Variants in KCNMA1 observed in about 807,000 individuals in gnomAD.
KCNMA1 encodes the protein potassium calcium-activated channel subfamily M alpha 1, also known as Calcium-activated potassium channel subunit alpha-1.
Under a neutral mutation model 140.0 loss-of-function variants are expected in KCNMA1, and 29 were observed. The ratio of observed to expected loss-of-function variants is 0.21; its 90% confidence interval spans 0.15 to 0.28. KCNMA1 has a LOEUF of 0.28. Among genes scored for constraint, KCNMA1 ranks in the 10% least tolerant of loss-of-function variants. The pLI is 1.00. For missense variants in KCNMA1, 880 were observed against 1,602.2 expected (o/e 0.55, Z 7.70); for synonymous variants, 612 against 611.9 (o/e 1.00, Z 0.00).
chr10:77,032,960 A>G (rs569730771), intron 15 of KCNMA1, among the ~76,000 whole-genome samples: 16 of 152,256 alleles, frequency 1.1e-4, no homozygotes, highest in African/African-American at 3.8e-4. Context: ...AAGAAAATAC[A>G]AAGAGGAGGT....
chr10:77,120,120 G>C (rs929038635), intron 6 of KCNMA1, among the ~76,000 whole-genome samples: 2 of 152,164 alleles, frequency 1.3e-5, no homozygotes, highest in African/African-American at 2.4e-5. Flanking sequence ...TGCATGAAGG[G>C]CAACCAAAGA....
chr10:76,929,475 T>C (rs74140229), intron 23 of KCNMA1, among the ~76,000 whole-genome samples: 2,718 of 152,344 alleles, frequency 0.018, 81 homozygotes, highest in African/African-American at 0.062. Context: ...CTCATGTATC[T>C]TGCATTTTCA....
intron 2 of KCNMA1, among the ~76,000 whole-genome samples, chr10:77,363,513 A>G (rs1042207568): frequency 1.3e-5 from 2 of 152,140 alleles, no homozygotes; most frequent in Non-Finnish European, 2.9e-5. Flanking sequence ...ATTCAATTCA[A>G]CTTCATCTAG....
chr10:77,384,199 C>T (rs950198698), intron 2 of KCNMA1, among the ~76,000 whole-genome samples: 1 of 152,202 alleles, frequency 6.6e-6, no homozygotes, highest in African/African-American at 2.4e-5. Flanking sequence ...CCTCCATCAC[C>T]CAGCTGTGAT....
intron 1 of KCNMA1, among the ~76,000 whole-genome samples, chr10:77,599,330 T>G (rs529741584): frequency 6.6e-6 from 1 of 152,346 alleles, no homozygotes; most frequent in Non-Finnish European, 1.5e-5. Flanking sequence ...CTGGCTCAAC[T>G]CTGTTGCTTC....
intron 1 of KCNMA1, among the ~76,000 whole-genome samples, chr10:77,610,077 G>A (rs186579239): frequency 1.6e-3 from 243 of 152,276 alleles, no homozygotes; most frequent in African/African-American, 4.9e-3. Flanking sequence ...CTCTGCCTGC[G>A]GCTTTCTGGC....
At chr10:77,551,749 G>T (rs763472945) in intron 1 of KCNMA1, among the ~76,000 whole-genome samples, 1 of 152,234 alleles carries the variant, frequency 6.6e-6, no homozygotes, top group African/African-American at 2.4e-5. Context: ...CATGGTGTGT[G>T]TGGAGCTTGC....
chr10:77,573,286 G>A (rs745480806), intron 1 of KCNMA1, among the ~76,000 whole-genome samples: 2 of 152,130 alleles, frequency 1.3e-5, no homozygotes, highest in Non-Finnish European at 2.9e-5. Context: ...GGGCCTCCCC[G>A]GGAGCCATGA....
chr10:76,959,222 G>A (rs1180972495), intron 20 of KCNMA1, among the ~76,000 whole-genome samples: 8 of 152,314 alleles, frequency 5.3e-5, no homozygotes, highest in Non-Finnish European at 2.9e-5. Context: ...TTAAAGCAAA[G>A]AGGAAGCCTG....
intron 1 of KCNMA1, among the ~76,000 whole-genome samples, chr10:77,407,175 G>C (rs1603482965): frequency 6.6e-6 from 1 of 152,324 alleles, no homozygotes; most frequent in East Asian, 1.9e-4. Flanking sequence ...ATTACCATGT[G>C]TGGGAAGCAG....
chr10:77,533,545 G>A (rs1044729567), intron 1 of KCNMA1, among the ~76,000 whole-genome samples: 3 of 152,008 alleles, frequency 2.0e-5, no homozygotes, highest in Non-Finnish European at 4.4e-5. Flanking sequence ...TTGAGTACAG[G>A]GACCAGTCTT....
intron 2 of KCNMA1, among the ~76,000 whole-genome samples, chr10:77,371,438 A>G (rs921093093): frequency 2.0e-5 from 3 of 152,192 alleles, no homozygotes; most frequent in African/African-American, 4.8e-5. Context: ...GGCCCCATGC[A>G]TGGGTCAGCA....
chr10:77,417,477 T>C (rs1476524071), intron 1 of KCNMA1, among the ~76,000 whole-genome samples: 1 of 152,202 alleles, frequency 6.6e-6, no homozygotes, highest in African/African-American at 2.4e-5. Flanking sequence ...GACTTGAAGC[T>C]TAAACTGGGG....
chr10:76,902,347 T>C (rs1005638544), intron 25 of KCNMA1: 1 of 152,274 alleles, frequency 6.6e-6, no homozygotes, highest in African/African-American at 2.4e-5. Context: ...CTTTGCCTCC[T>C]AAGCTTTTGT....
intron 5 of KCNMA1, among the ~76,000 whole-genome samples, chr10:77,135,027 A>AAAAAAAAAG: frequency 6.8e-6 from 1 of 146,004 alleles, no homozygotes; most frequent in East Asian, 2.0e-4. Context: ...AAAAAAAAAA[A>AAAAAAAAAG]AGGAAGAAAG....
At chr10:77,189,162 G>GA (rs1207563255) in intron 3 of KCNMA1, among the ~76,000 whole-genome samples, 15 of 152,082 alleles carry the variant, frequency 9.9e-5, no homozygotes, top group Non-Finnish European at 1.9e-4. Flanking sequence ...AGATAATGGG[G>GA]ATGCTGCTTA....
intron 2 of KCNMA1, among the ~76,000 whole-genome samples, chr10:77,338,258 G>T (rs548228218): frequency 6.6e-6 from 1 of 152,292 alleles, no homozygotes; most frequent in Admixed American, 6.5e-5. Flanking sequence ...CTCTGAGTGA[G>T]GAGCCCCAGA....
intron 1 of KCNMA1, among the ~76,000 whole-genome samples, chr10:77,496,558 C>G (rs937832066): frequency 1.5e-5 from 2 of 134,826 alleles, no homozygotes; most frequent in African/African-American, 5.4e-5. Context: ...GATTGCGCCA[C>G]TGCACTGCAG....
intron 19 of KCNMA1, among the ~76,000 whole-genome samples, chr10:76,992,879 C>A (rs1008822342): frequency 6.6e-6 from 1 of 152,128 alleles, no homozygotes; most frequent in East Asian, 1.9e-4. Flanking sequence ...TATTTCCACT[C>A]GAGAAGGTTA....
Sources: gnomAD v4.1 joint callset for allele counts (sites outside exome capture counted in the v4.1 genomes callset) on GRCh38, gnomAD v4.1.1 for gene constraint, MANE v1.5 for transcripts, NCBI Gene and HGNC (gene_info 2026-07-23, HGNC 2026-07-21) for gene names.